Variants in LRP1B observed in about 807,000 individuals in gnomAD.
LRP1B encodes the protein LDL receptor related protein 1B.
A neutral mutation model predicts 556.6 loss-of-function variants in LRP1B; 217 were observed. The observed-to-expected ratio is 0.39, with a 90% confidence interval of 0.35 to 0.44. The LOEUF is 0.44. Among genes scored for constraint, LRP1B ranks in the 20% least tolerant of loss-of-function variants. LRP1B has a pLI of 1.00. For synonymous variants in LRP1B, 2,047 were observed against 1,865.8 expected (o/e 1.10, Z -2.50); for missense variants, 5,053 against 5,620.8 (o/e 0.90, Z 3.23).
At chr2:141,756,412 A>G (rs923884309) in intron 2 of LRP1B, among the ~76,000 whole-genome samples, 2 of 152,076 alleles carry the variant, frequency 1.3e-5, no homozygotes, top group Non-Finnish European at 2.9e-5. Flanking sequence ...CCAATTTCCC[A>G]AAAACATTCA....
intron 17 of LRP1B, among the ~76,000 whole-genome samples, chr2:140,988,264 G>A (rs1293149232): frequency 6.6e-6 from 1 of 151,978 alleles, no homozygotes; most frequent in Non-Finnish European, 1.5e-5. Context: ...GGACTGGATG[G>A]TCTCTGGAGG....
chr2:140,571,752 A>G (rs567698086), intron 43 of LRP1B, among the ~76,000 whole-genome samples: 1 of 151,962 alleles, frequency 6.6e-6, no homozygotes, highest in African/African-American at 2.4e-5. Context: ...ACCTAACTTC[A>G]AAATATAGTT....
At chr2:140,695,796 C>T (rs931692545) in intron 41 of LRP1B, among the ~76,000 whole-genome samples, 35 of 152,170 alleles carry the variant, frequency 2.3e-4, no homozygotes, top group African/African-American at 7.0e-4. Context: ...AGAAGGAAGA[C>T]ATTTTCATCC....
intron 41 of LRP1B, among the ~76,000 whole-genome samples, chr2:140,655,358 A>C (rs937678458): frequency 5.3e-5 from 8 of 152,090 alleles, no homozygotes; most frequent in Non-Finnish European, 2.9e-5. Flanking sequence ...TGCTCTAATA[A>C]TTTTCTAGGT....
intron 1 of LRP1B, among the ~76,000 whole-genome samples, chr2:141,811,838 CT>C (rs1696368252): frequency 6.6e-6 from 1 of 151,996 alleles, no homozygotes; most frequent in Non-Finnish European, 1.5e-5. Context: ...ATCCAATAGA[CT>C]AGTTGTGTCT....
At chr2:140,851,849 G>A (rs2105122515) in intron 27 of LRP1B, 66 bp from the exon 28 acceptor site, 1 of 1,457,348 alleles carries the variant, frequency 6.9e-7, no homozygotes, top group African/African-American at 1.4e-5. Context: ...CTCTGAGGTT[G>A]ACAGGGGTTA....
intron 1 of LRP1B, among the ~76,000 whole-genome samples, chr2:142,086,953 C>A (rs751890777): frequency 3.9e-5 from 6 of 152,078 alleles, no homozygotes; most frequent in Admixed American, 6.5e-5. Context: ...CCAATCTCTG[C>A]CCTTCCCTTT....
intron 20 of LRP1B, among the ~76,000 whole-genome samples, chr2:140,936,624 A>G (rs1490491032): frequency 6.6e-6 from 1 of 152,058 alleles, no homozygotes; most frequent in African/African-American, 2.4e-5. Flanking sequence ...AAAGGTAAAT[A>G]TGTGGGCAAT....
intron 55 of LRP1B, among the ~76,000 whole-genome samples, chr2:140,497,515 AT>A (rs1159681887): frequency 6.6e-6 from 1 of 151,854 alleles, no homozygotes; most frequent in East Asian, 1.9e-4. Flanking sequence ...TAAAATAAAT[AT>A]TTAAAAAAAA....
chr2:140,740,564 T>A (rs1416898248), intron 35 of LRP1B, among the ~76,000 whole-genome samples: 1 of 152,276 alleles, frequency 6.6e-6, no homozygotes, highest in East Asian at 1.9e-4. Flanking sequence ...CAGTGTATAC[T>A]GCTCAGGTGA....
At chr2:140,270,481 C>A in intron 85 of LRP1B, 135 bp from the exon 86 acceptor site, 1 of 593,710 alleles carries the variant, frequency 1.7e-6, no homozygotes, top group Middle Eastern at 3.2e-4. Flanking sequence ...AGGAAGTTTT[C>A]AGGAAGTCTG....
chr2:141,728,944 G>T (rs376969672), intron 2 of LRP1B, among the ~76,000 whole-genome samples: 1 of 152,082 alleles, frequency 6.6e-6, no homozygotes, highest in African/African-American at 2.4e-5. Context: ...AGGTGGAGAG[G>T]GGGGTGCCAG....
At chr2:141,163,942 C>T (rs1680142928) in intron 7 of LRP1B, among the ~76,000 whole-genome samples, 1 of 151,946 alleles carries the variant, frequency 6.6e-6, no homozygotes, top group South Asian at 2.1e-4. Flanking sequence ...TCTTTAAGAC[C>T]TTCAAAATTT....
chr2:140,282,861 C>G (rs866756830), intron 84 of LRP1B, among the ~76,000 whole-genome samples: 2 of 151,778 alleles, frequency 1.3e-5, no homozygotes, highest in South Asian at 4.1e-4. Context: ...ACCCAACCAT[C>G]AAGGTGATCT....
intron 41 of LRP1B, among the ~76,000 whole-genome samples, chr2:140,606,260 T>C (rs1416410903): frequency 6.6e-6 from 1 of 151,838 alleles, no homozygotes; most frequent in Non-Finnish European, 1.5e-5. Context: ...GACAATTTAA[T>C]TTATAATATA....
At chr2:141,974,201 A>C (rs182585832) in intron 1 of LRP1B, among the ~76,000 whole-genome samples, 3 of 152,106 alleles carry the variant, frequency 2.0e-5, no homozygotes, top group Admixed American at 2.0e-4. Flanking sequence ...CCAGAACAGG[A>C]AAGTGTTAAG....
chr2:142,050,689 G>A lies in LRP1B; in HGVS notation c.82+79959C>T, dbSNP rs999056423. Among the ~76,000 whole-genome samples, 4 of 151,988 alleles carry A rather than the reference G, an allele frequency of 2.6e-5. No homozygotes were observed. The East Asian group carries it at 5.8e-4, about 22-fold the overall frequency. On this transcript the variant is annotated intron_variant, in intron 1 of 90. Transcript: ENST00000389484. ...TCAACTGGCAGAAAATCTATTGAAC[G>A]AGTAGCTTATATGAAGTAAAACTCC... is the stretch of plus-strand genomic sequence containing the variant.
intron 2 of LRP1B, among the ~76,000 whole-genome samples, chr2:141,627,726 G>A (rs138761278): frequency 1.1e-4 from 17 of 152,288 alleles, no homozygotes; most frequent in Admixed American, 7.8e-4. Context: ...TGCCAAAAAG[G>A]TTAGGGACTG....
At chr2:140,663,209 TACTAAGATACTAAAA>T (rs1429685201) in intron 41 of LRP1B, among the ~76,000 whole-genome samples, 1 of 152,134 alleles carries the variant, frequency 6.6e-6, no homozygotes. Context: ...CCAAAATTCC[TACTAAGATACTAAAA>T]ATATAAAATT....
Sources: allele counts gnomAD v4.1 joint callset (sites outside exome capture counted in the v4.1 genomes callset), GRCh38; gene constraint gnomAD v4.1.1; transcripts MANE v1.5; gene names NCBI Gene and HGNC (gene_info 2026-07-23, HGNC 2026-07-21).